CNTNAP5: variants seen among roughly 807,000 people sequenced by gnomAD.
CNTNAP5 encodes the protein contactin associated protein family member 5.
Under a neutral mutation model 150.2 loss-of-function variants are expected in CNTNAP5, and 72 were observed. That is an observed-to-expected ratio of 0.48 (90% CI 0.40 to 0.58). CNTNAP5 has a LOEUF of 0.58. Among genes scored for constraint, CNTNAP5 ranks in the 20% least tolerant of loss-of-function variants. The probability of loss-of-function intolerance (pLI) is 0.00; values close to 1 mark genes in which losing one functional copy is unlikely to be tolerated. For missense variants in CNTNAP5, 1,636 were observed against 1,626.2 expected (o/e 1.01, Z -0.10); for synonymous variants, 672 against 619.8 (o/e 1.08, Z -1.25).
At chr2:124,777,946 G>T (rs1681362354) in intron 17 of CNTNAP5, among the ~76,000 whole-genome samples, 1 of 152,062 alleles carries the variant, frequency 6.6e-6, no homozygotes, top group Non-Finnish European at 1.5e-5. Context: ...GCAGTAATTT[G>T]ATTCTCTTGG....
chr2:124,384,092 A>G (rs1834444), intron 3 of CNTNAP5, among the ~76,000 whole-genome samples: 150,957 of 152,264 alleles, frequency 0.99, 74,846 homozygotes, highest in East Asian at 1. Flanking sequence ...TTTTAAACAT[A>G]CATTATTATA....
chr2:124,440,684 G>A (rs1406058483), intron 5 of CNTNAP5, among the ~76,000 whole-genome samples: 2 of 151,962 alleles, frequency 1.3e-5, no homozygotes, highest in Non-Finnish European at 2.9e-5. Flanking sequence ...TTAGGGCCTT[G>A]GGTAGTATAT....
At chr2:124,265,346 G>A (rs571357291) in intron 3 of CNTNAP5, among the ~76,000 whole-genome samples, 1 of 152,206 alleles carries the variant, frequency 6.6e-6, no homozygotes, top group African/African-American at 2.4e-5. Context: ...TGGGCGGCAG[G>A]GCACCTCTGC....
intron 1 of CNTNAP5, among the ~76,000 whole-genome samples, chr2:124,034,177 T>C (rs986718183): frequency 1.3e-5 from 2 of 152,222 alleles, no homozygotes; most frequent in Admixed American, 1.3e-4. Flanking sequence ...TCTCATTCTG[T>C]GAATATGTTC....
intron 6 of CNTNAP5, among the ~76,000 whole-genome samples, chr2:124,458,313 ATAT>A (rs1410455077): frequency 2.1e-5 from 2 of 96,730 alleles, no homozygotes; most frequent in African/African-American, 4.0e-5. Flanking sequence ...ATATATATAT[ATAT>A]AAAATGGAAT....
chr2:124,760,391 A>T (rs1311109262), intron 14 of CNTNAP5, among the ~76,000 whole-genome samples: 2 of 152,134 alleles, frequency 1.3e-5, no homozygotes, highest in African/African-American at 2.4e-5. Flanking sequence ...ACCAAGCAGC[A>T]GTTAACCAAA....
intron 3 of CNTNAP5, among the ~76,000 whole-genome samples, chr2:124,251,010 A>G (rs1687159297): frequency 6.6e-6 from 1 of 152,162 alleles, no homozygotes; most frequent in African/African-American, 2.4e-5. Flanking sequence ...ATAAAAGTAG[A>G]GAGTGCAAAC....
chr2:124,818,608 AAG>A, intron 19 of CNTNAP5, among the ~76,000 whole-genome samples: 1 of 152,230 alleles, frequency 6.6e-6, no homozygotes, highest in African/African-American at 2.4e-5. Context: ...TTCTGAATCC[AAG>A]CACTGCTGAC....
chr2:124,619,772 G>T (rs1469420515), intron 12 of CNTNAP5, among the ~76,000 whole-genome samples: 2 of 148,974 alleles, frequency 1.3e-5, no homozygotes, highest in Non-Finnish European at 3.0e-5. Context: ...TTCCCCTGCA[G>T]ATTTTGGGCA....
At chr2:124,702,539 T>A (rs1326861147) in intron 13 of CNTNAP5, among the ~76,000 whole-genome samples, 1 of 151,840 alleles carries the variant, frequency 6.6e-6, no homozygotes, top group Non-Finnish European at 1.5e-5. Context: ...TCTTCTCTAT[T>A]GCCTTATTTT....
chr2:124,736,232 C>G (rs1680379631), intron 13 of CNTNAP5, among the ~76,000 whole-genome samples: 1 of 152,046 alleles, frequency 6.6e-6, no homozygotes, highest in South Asian at 2.1e-4. Context: ...TCTGTCTAAA[C>G]AAAAGGAAAC....
intron 21 of CNTNAP5, among the ~76,000 whole-genome samples, chr2:124,875,782 A>G (rs1289287819): frequency 6.7e-6 from 1 of 150,322 alleles, no homozygotes; most frequent in Non-Finnish European, 1.5e-5. Context: ...GAGGTGCTCA[A>G]CTGTGCTCCA....
At chr2:124,535,539 G>A (rs574138122) in intron 10 of CNTNAP5, among the ~76,000 whole-genome samples, 26 of 150,678 alleles carry the variant, frequency 1.7e-4, no homozygotes, top group Admixed American at 4.7e-4. Flanking sequence ...CAAGAAGGGC[G>A]GATCACAAGG....
At chr2:124,058,545 T>G (rs1157949905) in intron 1 of CNTNAP5, among the ~76,000 whole-genome samples, 1 of 152,160 alleles carries the variant, frequency 6.6e-6, no homozygotes, top group Non-Finnish European at 1.5e-5. Flanking sequence ...AAAATTCAAG[T>G]GTATCAATCC....
intron 14 of CNTNAP5, among the ~76,000 whole-genome samples, chr2:124,754,550 A>G (rs1680797211): frequency 6.6e-6 from 1 of 152,042 alleles, no homozygotes; most frequent in Non-Finnish European, 1.5e-5. Context: ...AAGAGATGGG[A>G]CATTTTCTCT....
intron 21 of CNTNAP5, among the ~76,000 whole-genome samples, chr2:124,879,709 A>C (rs1457573642): frequency 6.6e-6 from 1 of 152,142 alleles, no homozygotes; most frequent in Non-Finnish European, 1.5e-5. Context: ...ATTTGAAAAC[A>C]GCAGCTACTG....
chr2:124,430,577 G>A (rs1429497097), intron 4 of CNTNAP5, among the ~76,000 whole-genome samples: 1 of 152,124 alleles, frequency 6.6e-6, no homozygotes, highest in Non-Finnish European at 1.5e-5. Context: ...GAGTCCTGGA[G>A]ACTGAAATTA....
At chr2:124,538,443 A>G (rs948450025) in intron 10 of CNTNAP5, among the ~76,000 whole-genome samples, 3 of 152,000 alleles carry the variant, frequency 2.0e-5, no homozygotes, top group Non-Finnish European at 4.4e-5. Context: ...ATGCCACTGC[A>G]CTCCAGCCTG....
chr2:124,918,658 T>C lies in CNTNAP5; in HGVS notation c.*4370T>C, dbSNP rs988081848. On this transcript the variant is annotated 3_prime_UTR_variant, in exon 24 of 24. Coordinates refer to ENST00000682447, the MANE Select transcript of CNTNAP5 (RefSeq NM_001367498.1). ...TAAGCTTCCCCATAGCTACCATCCA[T>C]CAAAACCTCATTGCAGCTGTAGCCT... Among the ~76,000 whole-genome samples the C allele has an allele frequency of 6.6e-6, 1 of 152,058 alleles. No homozygotes were observed. The highest frequency in any genetic ancestry group is 1.9e-4 in the East Asian group (1 of 5,142).
Sources: gnomAD v4.1 joint callset for allele counts (sites outside exome capture counted in the v4.1 genomes callset) on GRCh38, gnomAD v4.1.1 for gene constraint, MANE v1.5 for transcripts, NCBI Gene and HGNC (gene_info 2026-07-23, HGNC 2026-07-21) for gene names.